Variants in CAP2 observed in about 807,000 individuals in gnomAD.
CAP2 encodes cyclase associated actin cytoskeleton regulatory protein 2, also known as adenylyl cyclase-associated protein 2.
Under a neutral mutation model 57.7 loss-of-function variants are expected in CAP2, and 24 were observed. The observed-to-expected ratio is 0.42, with a 90% CI of 0.30 to 0.58. The LOEUF is 0.58. Among genes scored for constraint, CAP2 ranks in the 20% least tolerant of loss-of-function variants. The probability of loss-of-function intolerance (pLI) is 0.22; values close to 1 mark genes in which losing one functional copy is unlikely to be tolerated. For missense variants in CAP2, 501 were observed against 590.3 expected, an observed-to-expected ratio of 0.85 and a Z score of 1.57; for synonymous variants, 194 against 207.2, an observed-to-expected ratio of 0.94 and a Z score of 0.55.
In CAP2 at chr6:17,539,439, G is replaced by T. The variant is rs1373346664; in HGVS notation, c.807G>T (p.Gln269His). Reference sequence around the variant, plus strand: ...CAGCTTTATTTGCCCAACTTAACCAGGGAGAAGCAATTACAAAAGGTGAGA... The same window carrying T: ...CAGCTTTATTTGCCCAACTTAACCATGGAGAAGCAATTACAAAAGGTGAGA... ...SRSALFAQLNQGEAITKGLRH... is the reference protein window; with the variant it reads ...SRSALFAQLNHGEAITKGLRH... Residue 269 changes from glutamine to histidine, a missense_variant, in exon 8 of 13, where the codon CAG (glutamine) becomes CAT (histidine). Physicochemically the swap from Gln to His is conservative, Grantham distance 24 (BLOSUM62 0). Coordinates refer to ENST00000229922, the MANE Select transcript of CAP2 (RefSeq NM_006366.3). 1 of 1,613,880 alleles carries T rather than the reference G, an allele frequency of 6.2e-7. No homozygotes were observed. The highest frequency in any genetic ancestry group is 8.5e-7 in the Non-Finnish European group (1 of 1,179,814).
chr6:17,407,573 T>TC (rs1470445713), intron 1 of CAP2, among the ~76,000 whole-genome samples: 1 of 151,602 alleles, frequency 6.6e-6, no homozygotes, highest in Admixed American at 6.6e-5. Context: ...GGTCAGGAGT[T>TC]CAAGACCAAC....
Position 17,556,514 on chromosome 6 carries a change from C to A in CAP2, c.*72C>A, listed in dbSNP as rs1344511228. The stretch of plus-strand genomic sequence containing the variant: ...CAAACAAAAAAGCAGCAGTAAAGAG[C>A]TAGAAGTTGCAGTAGCCCCTACTGC... On this transcript the variant is annotated 3_prime_UTR_variant, in exon 13 of 13. Transcript: ENST00000229922. 2.7e-6 allele frequency: 3 copies of A among 1,096,344 alleles called. No individual in the cohort carries two copies. The highest frequency in any genetic ancestry group is 4.2e-6 in the Non-Finnish European group (3 of 709,466). The allele number at this position is 1,096,344 out of a possible 1,614,324, so 67.9% of individuals were successfully genotyped here. A position where few individuals can be genotyped will look rare whatever the true frequency, so the allele number is the denominator to read the frequency against.
At chr6:17,405,546 A>G (rs1233387928) in intron 1 of CAP2, among the ~76,000 whole-genome samples, 1 of 150,602 alleles carries the variant, frequency 6.6e-6, no homozygotes, top group Non-Finnish European at 1.5e-5. Context: ...ATCTTATTGT[A>G]CTGTGCTCAC....
At chr6:17,462,114 T>C (rs73721573) in intron 3 of CAP2, among the ~76,000 whole-genome samples, 15,373 of 150,638 alleles carry the variant, frequency 0.1, 2,493 homozygotes, top group African/African-American at 0.35. Context: ...TAAGAGAATA[T>C]GTGTTTGAGG....
intron 3 of CAP2, among the ~76,000 whole-genome samples, chr6:17,449,008 C>G (rs540490743): frequency 6.6e-6 from 1 of 152,226 alleles, no homozygotes; most frequent in Non-Finnish European, 1.5e-5. Context: ...GTGATCCACC[C>G]GCCTTGGGCT....
At chr6:17,444,655 A>G (rs1020850547) in intron 3 of CAP2, among the ~76,000 whole-genome samples, 1 of 151,372 alleles carries the variant, frequency 6.6e-6, no homozygotes, top group African/African-American at 2.4e-5. Context: ...AAAAAAAAAA[A>G]AAAGTCATCA....
At chr6:17,406,470 T>C (rs1414405251) in intron 1 of CAP2, among the ~76,000 whole-genome samples, 1 of 146,134 alleles carries the variant, frequency 6.8e-6, no homozygotes, top group African/African-American at 2.5e-5. Context: ...CTCGGCTCAC[T>C]GCAACCTCCG....
At chr6:17,535,298 G>A (rs541952674) in intron 7 of CAP2, among the ~76,000 whole-genome samples, 1 of 147,734 alleles carries the variant, frequency 6.8e-6, no homozygotes, top group Non-Finnish European at 1.5e-5. Flanking sequence ...TTTTGAGATG[G>A]AATCTCACTC....
At chr6:17,547,387 A>T (rs888821016) in intron 11 of CAP2, among the ~76,000 whole-genome samples, 1 of 152,096 alleles carries the variant, frequency 6.6e-6, no homozygotes, top group Non-Finnish European at 1.5e-5. Flanking sequence ...TGTCTGTGGA[A>T]CTCCTATAGC....
chr6:17,499,021 G>A (rs1053597966), intron 4 of CAP2, among the ~76,000 whole-genome samples: 1 of 151,582 alleles, frequency 6.6e-6, no homozygotes, highest in Non-Finnish European at 1.5e-5. Flanking sequence ...GAGCCACCAC[G>A]CCCGGCCAGC....
rs141614355 is a variant in CAP2 at position 17,523,444 on chromosome 6, G to C, written c.636+9490G>C. 1.8e-4 allele frequency among the ~76,000 whole-genome samples: 27 copies of C among 152,278 alleles called. No homozygotes were observed. In the East Asian group the frequency reaches 5.0e-3, roughly 28 times the overall value. On this transcript the variant is annotated intron_variant, in intron 7 of 12. Coordinates refer to ENST00000229922, the MANE Select transcript of CAP2 (RefSeq NM_006366.3). Reference sequence around the variant, plus strand: ...AGTCAGGAGGTGAGATTTAGATCTGGAATTCACTGAAGGGGGAGACCCCGA... The same window carrying C: ...AGTCAGGAGGTGAGATTTAGATCTGCAATTCACTGAAGGGGGAGACCCCGA...
At chr6:17,517,849 C>T (rs571395313) in intron 7 of CAP2, among the ~76,000 whole-genome samples, 3 of 152,042 alleles carry the variant, frequency 2.0e-5, no homozygotes, top group Non-Finnish European at 2.9e-5. Flanking sequence ...TGTAGTGAGC[C>T]GAGATCGTGC....
chr6:17,462,723 G>A (rs1327704935), intron 3 of CAP2, among the ~76,000 whole-genome samples: 1 of 152,184 alleles, frequency 6.6e-6, no homozygotes, highest in Non-Finnish European at 1.5e-5. Flanking sequence ...CGTAGCAGGT[G>A]TCAGTACCTT....
chr6:17,535,578 CT>C (rs79902638), intron 7 of CAP2, among the ~76,000 whole-genome samples: 62 of 142,924 alleles, frequency 4.3e-4, no homozygotes, highest in Middle Eastern at 3.6e-3. Flanking sequence ...CTGGCCATGA[CT>C]TTTTTTTTTT....
At chr6:17,441,946 C>A (rs1216658807) in intron 3 of CAP2, among the ~76,000 whole-genome samples, 1 of 151,618 alleles carries the variant, frequency 6.6e-6, no homozygotes, top group East Asian at 1.9e-4. Context: ...AAAAAAAAAA[C>A]AGCAACAATA....
At chr6:17,493,999 C>T (rs1761605782) in intron 4 of CAP2, among the ~76,000 whole-genome samples, 2 of 152,096 alleles carry the variant, frequency 1.3e-5, no homozygotes, top group South Asian at 4.1e-4. Context: ...TCATTCCTGA[C>T]TCCTCATTTG....
At chr6:17,486,875 C>T (rs751474431) in intron 4 of CAP2, among the ~76,000 whole-genome samples, 3 of 148,274 alleles carry the variant, frequency 2.0e-5, no homozygotes, top group Non-Finnish European at 4.4e-5. Flanking sequence ...AGTGCTCACA[C>T]AACACACCGT....
At chr6:17,416,492 C>G (rs927792180) in intron 1 of CAP2, among the ~76,000 whole-genome samples, 14 of 152,140 alleles carry the variant, frequency 9.2e-5, no homozygotes, top group Non-Finnish European at 7.4e-5. Flanking sequence ...CACAGAAAAA[C>G]TGTGATATAA....
At chr6:17,464,983 C>T (rs1214898141) in intron 4 of CAP2, among the ~76,000 whole-genome samples, 1 of 152,152 alleles carries the variant, frequency 6.6e-6, no homozygotes, top group Non-Finnish European at 1.5e-5. Context: ...GAGGCCTCTC[C>T]AATGGCTTTG....
Sources: allele counts gnomAD v4.1 joint callset (sites outside exome capture counted in the v4.1 genomes callset), GRCh38; gene constraint gnomAD v4.1.1; transcripts MANE v1.5; gene names NCBI Gene and HGNC (gene_info 2026-07-23, HGNC 2026-07-21).